Variants in NAV1 observed in about 807,000 individuals in gnomAD.
NAV1 encodes neuron navigator 1.
A neutral mutation model predicts 175.2 loss-of-function variants in NAV1; 18 were observed. That is an observed-to-expected ratio of 0.10 (90% CI 0.07 to 0.15). The LOEUF (loss-of-function observed/expected upper bound fraction) is 0.15, where lower values mean the gene tolerates loss of function less well. Among genes scored for constraint, NAV1 ranks in the 10% least tolerant of loss-of-function variants. The pLI, the probability that NAV1 is intolerant of heterozygous loss-of-function variation, is 1.00. For synonymous variants in NAV1, 897 were observed against 978.7 expected, an observed-to-expected ratio of 0.92 and a Z score of 1.56; for missense variants, 1,731 against 2,436.6, an observed-to-expected ratio of 0.71 and a Z score of 6.10.
At chr1:201,674,037 A>G (rs1383002256) in intron 1 of NAV1, 3 of 152,236 alleles carry the variant, frequency 2.0e-5, no homozygotes, top group Non-Finnish European at 4.4e-5. Context: ...CACTGCTCTA[A>G]GACCTCGCTG....
intron 29 of NAV1, among the ~76,000 whole-genome samples, chr1:201,818,303 C>T (rs962302270): frequency 1.3e-5 from 2 of 151,598 alleles, no homozygotes; most frequent in African/African-American, 2.4e-5. Context: ...CCAAGGCGGG[C>T]GGATCATGAG....
intron 3 of NAV1, among the ~76,000 whole-genome samples, chr1:201,721,489 T>C (rs1672383182): frequency 6.8e-6 from 1 of 148,028 alleles, no homozygotes; most frequent in East Asian, 1.9e-4. Flanking sequence ...ACTCTTTAAG[T>C]GAACATGCAA....
chr1:201,781,279 C>T lies in NAV1; in HGVS notation c.1633C>T (p.His545Tyr), dbSNP rs144845720. ...TGTGGCTGTAACTTCCCCCATCACT[C>T]ACACAGCCCAGAGTGCCCTCAAAGT... The change falls in exon 5 of 30, where the codon CAC becomes TAC. Residue 545 changes from histidine to tyrosine, a missense_variant. This residue lies in a region of NAV1 where 634 missense variants were observed against 766.8 expected (regional missense o/e 0.83). Coordinates refer to ENST00000367296, the Ensembl canonical transcript of NAV1. The T allele has an allele frequency of 3.2e-4, 522 of 1,613,428 alleles. No homozygotes were observed. In the Middle Eastern group the frequency reaches 3.3e-3, roughly 10 times the overall value.
chr1:201,691,673 T>A (rs1670951551), intron 1 of NAV1, among the ~76,000 whole-genome samples: 1 of 152,204 alleles, frequency 6.6e-6, no homozygotes, highest in Admixed American at 6.5e-5. Flanking sequence ...TAGCGGCTTG[T>A]ATGACCCTGG....
At chr1:201,670,420 C>G (rs1320876321) in intron 1 of NAV1, among the ~76,000 whole-genome samples, 1 of 141,450 alleles carries the variant, frequency 7.1e-6, no homozygotes, top group Non-Finnish European at 1.5e-5. Context: ...GTAAGCTCAT[C>G]TCAGCTGTAC....
At chr1:201,561,631 C>T (rs1352460606) in intron 1 of NAV1, among the ~76,000 whole-genome samples, 1 of 152,114 alleles carries the variant, frequency 6.6e-6, no homozygotes, top group Non-Finnish European at 1.5e-5. Flanking sequence ...TTTTTCTGGA[C>T]ATTGGAAGCT....
chr1:201,557,800 G>A (rs888277089), intron 1 of NAV1, among the ~76,000 whole-genome samples: 2 of 152,214 alleles, frequency 1.3e-5, no homozygotes, highest in African/African-American at 4.8e-5. Flanking sequence ...GGGATGAAGA[G>A]AGACAGGAAG....
chr1:201,589,093 C>T (rs1467403920), intron 2 of NAV1, among the ~76,000 whole-genome samples: 1 of 152,146 alleles, frequency 6.6e-6, no homozygotes, highest in African/African-American at 2.4e-5. Context: ...GGTGATCCAC[C>T]CACCTTGGCC....
intron 10 of NAV1, among the ~76,000 whole-genome samples, chr1:201,789,312 C>T (rs1422425648): frequency 1.3e-5 from 2 of 152,172 alleles, no homozygotes; most frequent in African/African-American, 2.4e-5. Context: ...TCCCCAAGAT[C>T]CTAAGCACAT....
At chr1:201,643,095 T>A (rs112686630) in intron 2 of NAV1, among the ~76,000 whole-genome samples, 2 of 141,256 alleles carry the variant, frequency 1.4e-5, no homozygotes, top group Non-Finnish European at 3.0e-5. Context: ...TTCTTTCTTT[T>A]TCTCTTTCTT....
intron 1 of NAV1, among the ~76,000 whole-genome samples, chr1:201,653,588 A>G (rs1669288797): frequency 6.6e-6 from 1 of 152,100 alleles, no homozygotes; most frequent in African/African-American, 2.4e-5. Context: ...GTTCACAAAT[A>G]CTTCGTTTTC....
At chr1:201,674,063 G>A (rs1398774694) in intron 1 of NAV1, 2 of 152,212 alleles carry the variant, frequency 1.3e-5, no homozygotes, top group Non-Finnish European at 1.5e-5. Flanking sequence ...CCTGGCAGGT[G>A]GCCAGCCCAG....
intron 1 of NAV1, among the ~76,000 whole-genome samples, chr1:201,564,260 C>T (rs1198028673): frequency 6.6e-6 from 1 of 152,170 alleles, no homozygotes; most frequent in African/African-American, 2.4e-5. Context: ...TTCAGTCTCA[C>T]CTCCTCCACT....
chr1:201,590,645 G>A (rs755840647), intron 2 of NAV1, among the ~76,000 whole-genome samples: 2 of 152,236 alleles, frequency 1.3e-5, no homozygotes, highest in African/African-American at 4.8e-5. Context: ...GGGCTGCAGG[G>A]GAAGCTGCTG....
At chr1:201,675,196 A>C (rs147363233) in intron 1 of NAV1, among the ~76,000 whole-genome samples, 1 of 152,104 alleles carries the variant, frequency 6.6e-6, no homozygotes, top group Non-Finnish European at 1.5e-5. Flanking sequence ...CCAGGTACCA[A>C]TCTGTCCACC....
At position 201,782,381 on chromosome 1, in the gene NAV1, T is replaced by C. The variant is rs1424797326; in HGVS notation, c.1869T>C (p.Gly623=). Residue 623 remains glycine (G), a synonymous_variant, in exon 6 of 30, where the codon GGT becomes GGC. Transcript: ENST00000367296. This position sits in a 1 kb window ranked among gnomAD's most constrained non-coding sequence, Gnocchi z 5.4. Reference sequence around the variant, plus strand: ...GCACAGCCACTGTCATGCAAACTGGTGGTTCAGCCACTCTCAGCAAGATCC... The same window carrying C: ...GCACAGCCACTGTCATGCAAACTGGCGGTTCAGCCACTCTCAGCAAGATCC... 6.2e-7 allele frequency: 1 copy of C among 1,614,078 alleles called. No homozygotes were observed. The highest frequency in any genetic ancestry group is 2.2e-5 in the East Asian group (1 of 44,858).
rs1219507830 is a variant in NAV1 at position 201,808,934 on chromosome 1, C to T, written c.4207+63C>T. The T allele has an allele frequency of 1.9e-6, 3 of 1,549,136 alleles. No individual in the cohort carries two copies. The highest frequency in any genetic ancestry group is 1.8e-5 in the Admixed American group (1 of 54,428). ...AAGAAAAGGGCTTATTTCACTGTTACACCATTCCACTTGCTTTGGTCAGGG... is the reference window on the plus strand; with the variant it reads ...AAGAAAAGGGCTTATTTCACTGTTATACCATTCCACTTGCTTTGGTCAGGG... On this transcript the variant is annotated intron_variant, in intron 20 of 29. Coordinates refer to ENST00000367296, the Ensembl canonical transcript of NAV1. The surrounding 1 kb of genome is among the most constrained non-coding windows in gnomAD (Gnocchi z 5.5).
chr1:201,544,721 C>T (rs1031765951), intron 1 of NAV1, among the ~76,000 whole-genome samples: 44 of 152,166 alleles, frequency 2.9e-4, no homozygotes, highest in Non-Finnish European at 5.7e-4. Flanking sequence ...GGAGGATATT[C>T]AAAATAAGTC....
chr1:201,767,603 C>A (rs1675297045), intron 3 of NAV1, among the ~76,000 whole-genome samples: 1 of 152,058 alleles, frequency 6.6e-6, no homozygotes, highest in East Asian at 1.9e-4. Flanking sequence ...TCTACTAAGT[C>A]TTTGAAAGCT....
Sources: allele counts gnomAD v4.1 joint callset (sites outside exome capture counted in the v4.1 genomes callset), GRCh38; gene constraint gnomAD v4.1.1; regional missense constraint gnomAD v4.1.1; non-coding constraint Gnocchi (gnomAD v3.1); transcripts MANE v1.5; gene names NCBI Gene and HGNC (gene_info 2026-07-23, HGNC 2026-07-21).